CADM1: variants seen among roughly 807,000 people sequenced by gnomAD.
CADM1 encodes the protein cell adhesion molecule 1, also known as TSLC-1.
A neutral mutation model predicts 53.1 loss-of-function variants in CADM1; 15 were observed. The observed-to-expected ratio is 0.28, with a 90% CI of 0.19 to 0.44. The LOEUF is 0.44. Among genes scored for constraint, CADM1 ranks in the 20% least tolerant of loss-of-function variants. The pLI, the probability that CADM1 is intolerant of heterozygous loss-of-function variation, is 1.00. For synonymous variants in CADM1, 281 were observed against 243.0 expected, an observed-to-expected ratio of 1.16 and a Z score of -1.45; for missense variants, 434 against 611.3, an observed-to-expected ratio of 0.71 and a Z score of 3.06.
At chr11:115,333,065 C>G (rs1277021993) in intron 1 of CADM1, among the ~76,000 whole-genome samples, 1 of 152,118 alleles carries the variant, frequency 6.6e-6, no homozygotes, top group Admixed American at 6.6e-5. Context: ...CCCTGATGTC[C>G]CATCAGTTCT....
chr11:115,430,214 A>T (rs1033040242), intron 1 of CADM1, among the ~76,000 whole-genome samples: 5 of 152,200 alleles, frequency 3.3e-5, no homozygotes, highest in African/African-American at 1.2e-4. Flanking sequence ...TATAGCTTCC[A>T]CATCTTGTCT....
At chr11:115,468,225 G>A (rs2135385978) in intron 1 of CADM1, among the ~76,000 whole-genome samples, 1 of 152,152 alleles carries the variant, frequency 6.6e-6, no homozygotes, top group South Asian at 2.1e-4. Flanking sequence ...TTCATTGGGG[G>A]AAAAAATCAA....
chr11:115,336,247 C>T (rs1010034735), intron 1 of CADM1, among the ~76,000 whole-genome samples: 2 of 152,094 alleles, frequency 1.3e-5, no homozygotes, highest in Admixed American at 1.3e-4. Context: ...CCACAACTTT[C>T]CCCACCATTG....
chr11:115,226,628 T>C (rs2134829255), intron 5 of CADM1, among the ~76,000 whole-genome samples: 1 of 152,282 alleles, frequency 6.6e-6, no homozygotes, highest in Middle Eastern at 3.4e-3. Context: ...TCTTTCCTCA[T>C]GGTCATCAAA....
At chr11:115,286,149 GT>G (rs1943723110) in intron 1 of CADM1, among the ~76,000 whole-genome samples, 1 of 152,116 alleles carries the variant, frequency 6.6e-6, no homozygotes, top group South Asian at 2.1e-4. Context: ...TTTTAAAAAT[GT>G]TTTTATATAA....
At chr11:115,314,131 C>T (rs1944597960) in intron 1 of CADM1, among the ~76,000 whole-genome samples, 1 of 186 alleles carries the variant, frequency 5.4e-3, no homozygotes, top group African/African-American at 0.019. Flanking sequence ...GAACTAGTAC[C>T]CCAGGAAAAC....
At chr11:115,491,097 AG>A (rs891061869) in intron 1 of CADM1, among the ~76,000 whole-genome samples, 13 of 152,268 alleles carry the variant, frequency 8.5e-5, no homozygotes, top group Non-Finnish European at 1.6e-4. Context: ...TAAAAAAAAA[AG>A]TTGGAAGAAT....
At chr11:115,390,621 C>T (rs1470330170) in intron 1 of CADM1, among the ~76,000 whole-genome samples, 1 of 144,070 alleles carries the variant, frequency 6.9e-6, no homozygotes, top group Non-Finnish European at 1.5e-5. Flanking sequence ...CACCACCATT[C>T]ATTTTCTAAT....
At chr11:115,299,376 T>A (rs1944160400) in intron 1 of CADM1, among the ~76,000 whole-genome samples, 1 of 152,132 alleles carries the variant, frequency 6.6e-6, no homozygotes, top group Admixed American at 6.5e-5. Context: ...GGAGAACAAA[T>A]TTTTTTGTTT....
chr11:115,306,072 C>CCACACCCACACACACACACACA (rs1944361578), intron 1 of CADM1, among the ~76,000 whole-genome samples: 1 of 130,390 alleles, frequency 7.7e-6, no homozygotes, highest in Non-Finnish European at 1.6e-5. Flanking sequence ...AGGATATATA[C>CCACACCCACACACACACACACA]CACACACACA....
At chr11:115,201,660 T>C (rs548499063) in intron 8 of CADM1, among the ~76,000 whole-genome samples, 9 of 152,098 alleles carry the variant, frequency 5.9e-5, no homozygotes, top group Non-Finnish European at 8.8e-5. Flanking sequence ...AAAATGAAAA[T>C]GTCTAATTGC....
chr11:115,400,492 A>C (rs754641688), intron 1 of CADM1, among the ~76,000 whole-genome samples: 1 of 149,310 alleles, frequency 6.7e-6, no homozygotes, highest in African/African-American at 2.5e-5. Context: ...AAAAAATTAA[A>C]TTGCATTCAT....
intron 1 of CADM1, among the ~76,000 whole-genome samples, chr11:115,275,659 T>C (rs1943424658): frequency 6.6e-6 from 1 of 152,130 alleles, no homozygotes; most frequent in Admixed American, 6.5e-5. Flanking sequence ...AATAAAGGTG[T>C]TTTTAAGAGA....
At chr11:115,195,955 T>C (rs45456599) in intron 9 of CADM1, among the ~76,000 whole-genome samples, 24,236 of 152,206 alleles carry the variant, frequency 0.16, 2,040 homozygotes, top group East Asian at 0.3. Flanking sequence ...AGATTATCTA[T>C]CACTTTTCTA....
chr11:115,202,528 A>T (rs946580959), intron 8 of CADM1, among the ~76,000 whole-genome samples: 1 of 152,158 alleles, frequency 6.6e-6, no homozygotes, highest in Non-Finnish European at 1.5e-5. Flanking sequence ...GGTGTACATT[A>T]AAAAAATGCA....
At chr11:115,490,810 T>C (rs541790175) in intron 1 of CADM1, among the ~76,000 whole-genome samples, 1 of 152,332 alleles carries the variant, frequency 6.6e-6, no homozygotes, top group South Asian at 2.1e-4. Flanking sequence ...GTTCTGATAC[T>C]TACCATTTGT....
At chr11:115,281,864 T>C (rs1369058826) in intron 1 of CADM1, among the ~76,000 whole-genome samples, 1 of 151,312 alleles carries the variant, frequency 6.6e-6, no homozygotes, top group Non-Finnish European at 1.5e-5. Flanking sequence ...AATGGCTAAC[T>C]GAAAAAAAAA....
At chr11:115,251,231 T>C (rs1322778941) in intron 1 of CADM1, among the ~76,000 whole-genome samples, 1 of 152,228 alleles carries the variant, frequency 6.6e-6, no homozygotes, top group African/African-American at 2.4e-5. Flanking sequence ...GGGCATTCAT[T>C]AGTATTGACA....
At chr11:115,215,568 CT>C (rs1941146194) in intron 6 of CADM1, among the ~76,000 whole-genome samples, 1 of 152,162 alleles carries the variant, frequency 6.6e-6, no homozygotes, top group Admixed American at 6.6e-5. Flanking sequence ...ACATGGATCC[CT>C]TAGGGCCCAG....
Sources: allele counts gnomAD v4.1 joint callset (sites outside exome capture counted in the v4.1 genomes callset), GRCh38; gene constraint gnomAD v4.1.1; transcripts MANE v1.5; gene names NCBI Gene and HGNC (gene_info 2026-07-23, HGNC 2026-07-21).